The following RALYL variants were observed in gnomAD, a reference collection of about 807,000 sequenced individuals.
RALYL encodes RALY RNA binding protein like, also known as RNA-binding Raly-like protein.
A neutral mutation model predicts 35.1 loss-of-function variants in RALYL; 29 were observed. The observed-to-expected ratio is 0.83, with a 90% CI of 0.61 to 1.13. RALYL has a LOEUF of 1.13. Among genes scored for constraint, RALYL ranks in the 50% most tolerant of loss-of-function variants. The pLI is 0.00. For synonymous variants in RALYL, 120 were observed against 127.6 expected, an observed-to-expected ratio of 0.94 and a Z score of 0.40; for missense variants, 359 against 360.4, an observed-to-expected ratio of 1.00 and a Z score of 0.03.
chr8:84,859,787 T>G (rs1837763995), intron 5 of RALYL, among the ~76,000 whole-genome samples: 1 of 151,800 alleles, frequency 6.6e-6, no homozygotes, highest in Non-Finnish European at 1.5e-5. Context: ...GAGGCAGAGG[T>G]TGCAGTGAGG....
Position 84,273,351 on chromosome 8 carries a change from G to A in RALYL, c.-24+88927G>A, listed in dbSNP as rs113927911. Among the ~76,000 whole-genome samples the A allele has an allele frequency of 4.0e-4, 61 of 152,354 alleles. 1 individual carries two copies. The highest frequency in any genetic ancestry group is 1.4e-3 in the African/African-American group (60 of 41,592). Reference sequence around the variant, plus strand: ...TTTGGGCCAGGTACTCGCCACATGGGCCTCTCCGTAGGGAAGCTCACTACA... The same window carrying A: ...TTTGGGCCAGGTACTCGCCACATGGACCTCTCCGTAGGGAAGCTCACTACA... On this transcript the variant is annotated intron_variant, in intron 1 of 8. Coordinates refer to ENST00000521268, the MANE Select transcript of RALYL (RefSeq NM_173848.7).
chr8:84,302,374 G>A (rs75203624), intron 1 of RALYL, among the ~76,000 whole-genome samples: 107 of 152,150 alleles, frequency 7.0e-4, no homozygotes, highest in African/African-American at 2.5e-3. Context: ...CAGGATACTC[G>A]CTAAACATTC....
chr8:84,368,961 C>G (rs1855123436), intron 1 of RALYL, among the ~76,000 whole-genome samples: 1 of 152,166 alleles, frequency 6.6e-6, no homozygotes, highest in South Asian at 2.1e-4. Context: ...TAGTTTAGAT[C>G]AGGTCAAGTT....
chr8:84,808,762 C>T (rs936505838), intron 4 of RALYL, among the ~76,000 whole-genome samples: 1 of 151,916 alleles, frequency 6.6e-6, no homozygotes, highest in African/African-American at 2.4e-5. Context: ...AATTTTTTTG[C>T]AGCCATCGTA....
At chr8:84,462,613 T>C (rs2050940499) in intron 1 of RALYL, among the ~76,000 whole-genome samples, 1 of 151,378 alleles carries the variant, frequency 6.6e-6, no homozygotes, top group Non-Finnish European at 1.5e-5. Flanking sequence ...TTTTTTTTTT[T>C]TTTGCATGTG....
At chr8:84,446,034 T>A (rs966740004) in intron 1 of RALYL, among the ~76,000 whole-genome samples, 1 of 151,960 alleles carries the variant, frequency 6.6e-6, no homozygotes, top group African/African-American at 2.4e-5. Context: ...AATGACAAAT[T>A]TAGATTTCCT....
Position 84,334,455 on chromosome 8 carries a change from A to G in RALYL, c.-24+150031A>G, listed in dbSNP as rs148997938. On this transcript the variant is annotated intron_variant, in intron 1 of 8. Coordinates refer to ENST00000521268, the MANE Select transcript of RALYL (RefSeq NM_173848.7). The stretch of plus-strand genomic sequence containing the variant: ...TTCTTTTATACATAAATGCTTCAGT[A>G]TGTATTTCCTAAGAACAAGAACATC... 4.5e-3 allele frequency among the ~76,000 whole-genome samples: 685 copies of G among 151,722 alleles called. 6 individuals carry two copies. The highest frequency in any genetic ancestry group is 0.016 in the African/African-American group (654 of 41,488).
At chr8:84,869,212 T>C (rs1839739137) in intron 6 of RALYL, among the ~76,000 whole-genome samples, 1 of 152,172 alleles carries the variant, frequency 6.6e-6, no homozygotes, top group Admixed American at 6.6e-5. Flanking sequence ...TAAGAAAATC[T>C]AGGTTTGAGC....
intron 4 of RALYL, among the ~76,000 whole-genome samples, chr8:84,836,741 T>C (rs1832104374): frequency 6.6e-6 from 1 of 152,208 alleles, no homozygotes; most frequent in African/African-American, 2.4e-5. Context: ...AGAAGGATCC[T>C]GTAGATACAC....
chr8:84,270,136 C>T (rs761178200), intron 1 of RALYL, among the ~76,000 whole-genome samples: 20 of 152,158 alleles, frequency 1.3e-4, no homozygotes, highest in Non-Finnish European at 8.8e-5. Context: ...TAAGTCATTA[C>T]AGCCCAGTTC....
intron 1 of RALYL, among the ~76,000 whole-genome samples, chr8:84,484,091 G>A (rs12675454): frequency 2.0e-5 from 3 of 151,998 alleles, no homozygotes; most frequent in Admixed American, 2.0e-4. Context: ...TAGCACCTTA[G>A]AAATCAAGAG....
chr8:84,607,179 C>G (rs1817329618), intron 2 of RALYL, among the ~76,000 whole-genome samples: 1 of 151,932 alleles, frequency 6.6e-6, no homozygotes, highest in East Asian at 1.9e-4. Context: ...TTTCCCCCCC[C>G]TTTTCTTCCT....
chr8:84,333,095 G>A (rs1189188912), intron 1 of RALYL, among the ~76,000 whole-genome samples: 2 of 152,116 alleles, frequency 1.3e-5, no homozygotes, highest in Non-Finnish European at 2.9e-5. Flanking sequence ...ATTTGGTTAT[G>A]TCCTACTTGT....
At chr8:84,841,907 T>C (rs1366299178) in intron 4 of RALYL, among the ~76,000 whole-genome samples, 6 of 152,200 alleles carry the variant, frequency 3.9e-5, no homozygotes, top group Admixed American at 3.3e-4. Flanking sequence ...ATAAAGACGT[T>C]CTTTGAAACC....
chr8:84,396,795 C>A (rs143425628), intron 1 of RALYL, among the ~76,000 whole-genome samples: 1 of 151,958 alleles, frequency 6.6e-6, no homozygotes, highest in Non-Finnish European at 1.5e-5. Flanking sequence ...AAAAAAAAGT[C>A]ACATTAAAAT....
intron 1 of RALYL, among the ~76,000 whole-genome samples, chr8:84,419,373 G>T (rs1283266106): frequency 6.6e-6 from 1 of 151,892 alleles, no homozygotes; most frequent in Non-Finnish European, 1.5e-5. Flanking sequence ...TTCTTCCTTT[G>T]TTTCCTTTGT....
chr8:84,756,945 G>A (rs1162467795), intron 2 of RALYL, among the ~76,000 whole-genome samples: 1 of 151,902 alleles, frequency 6.6e-6, no homozygotes, highest in Non-Finnish European at 1.5e-5. Context: ...TTGATTTAGA[G>A]ACCGTGAATG....
At chr8:84,221,551 G>T (rs1173118498) in intron 1 of RALYL, among the ~76,000 whole-genome samples, 1 of 151,772 alleles carries the variant, frequency 6.6e-6, no homozygotes, top group Non-Finnish European at 1.5e-5. Flanking sequence ...CTAAATCTGG[G>T]GTTTGTCAAC....
At chr8:84,523,254 A>G (rs904721372) in intron 1 of RALYL, among the ~76,000 whole-genome samples, 22 of 152,170 alleles carry the variant, frequency 1.4e-4, no homozygotes, top group African/African-American at 9.7e-5. Context: ...GCAGCAGGCA[A>G]GAGGGCATGT....
Sources: allele counts gnomAD v4.1 joint callset (sites outside exome capture counted in the v4.1 genomes callset), GRCh38; gene constraint gnomAD v4.1.1; transcripts MANE v1.5; gene names NCBI Gene and HGNC (gene_info 2026-07-23, HGNC 2026-07-21).